TSPAN18: variants seen among roughly 807,000 people sequenced by gnomAD.
The protein encoded by TSPAN18 is tetraspanin-18.
Under a neutral mutation model 27.3 loss-of-function variants are expected in TSPAN18, and 14 were observed. The ratio of observed to expected loss-of-function variants is 0.51; its 90% CI spans 0.34 to 0.80. TSPAN18 has a LOEUF of 0.80. Among genes scored for constraint, TSPAN18 ranks in the 30% least tolerant of loss-of-function variants. TSPAN18 has a pLI of 0.01. For missense variants in TSPAN18, 268 were observed against 323.9 expected (o/e 0.83, Z 1.32); for synonymous variants, 143 against 136.5 (o/e 1.05, Z -0.33).
intron 3 of TSPAN18, among the ~76,000 whole-genome samples, chr11:44,880,675 G>A (rs139755543): frequency 6.6e-6 from 1 of 152,212 alleles, no homozygotes. Flanking sequence ...AACATGTTAT[G>A]TGGCCAGGGC....
Position 44,915,910 on chromosome 11 carries a change from A to C in TSPAN18, c.259-2062A>C, listed in dbSNP as rs835986. 9.5e-4 allele frequency among the ~76,000 whole-genome samples: 145 copies of C among 152,310 alleles called. 1 individual carries two copies. The highest frequency in any genetic ancestry group is 3.3e-3 in the African/African-American group (139 of 41,566). ...TGAGAGCAGAAGCCTGTGTCGGAGCAGCTGGAGCCCAGTGAGACCTCAGGG... is the reference window on the plus strand; with the variant it reads ...TGAGAGCAGAAGCCTGTGTCGGAGCCGCTGGAGCCCAGTGAGACCTCAGGG... On this transcript the variant is annotated intron_variant, in intron 5 of 9. Transcript: ENST00000520358.
At chr11:44,831,110 C>G (rs934116104) in intron 2 of TSPAN18, among the ~76,000 whole-genome samples, 2 of 152,096 alleles carry the variant, frequency 1.3e-5, no homozygotes, top group African/African-American at 4.8e-5. Context: ...AAGACTCTGT[C>G]TCAAAAACAA....
intron 8 of TSPAN18, among the ~76,000 whole-genome samples, chr11:44,923,322 G>T (rs955873327): frequency 6.6e-6 from 1 of 152,118 alleles, no homozygotes; most frequent in African/African-American, 2.4e-5. Flanking sequence ...GGTGGGGGAT[G>T]TGCCCACCCA....
intron 3 of TSPAN18, among the ~76,000 whole-genome samples, chr11:44,868,775 C>T (rs1373907440): frequency 2.0e-5 from 3 of 152,208 alleles, no homozygotes; most frequent in African/African-American, 7.2e-5. Context: ...GTGGAGCGCC[C>T]ACACCAGGGC....
At chr11:44,729,618 A>G (rs1400726311) in intron 1 of TSPAN18, among the ~76,000 whole-genome samples, 2 of 152,266 alleles carry the variant, frequency 1.3e-5, no homozygotes, top group African/African-American at 2.4e-5. Flanking sequence ...CAGCCAGTAT[A>G]TGTGGTGCTT....
chr11:44,906,571 G>T, intron 4 of TSPAN18, 92 bp downstream of exon 4: 1 of 1,275,292 alleles, frequency 7.8e-7, no homozygotes, highest in South Asian at 1.2e-5. Flanking sequence ...TCCCTGGGGC[G>T]AGCACAGGGG....
Position 44,817,173 on chromosome 11 carries a change from G to C in TSPAN18, c.-152-43155G>C, listed in dbSNP as rs142473190. On this transcript the variant is annotated intron_variant, in intron 2 of 9. Transcript: ENST00000520358. ...GAAGAGGCAGCTGATGGCATGCACG[G>C]TGGGCCATCCTGGGTTCCAGCTCTG... Among the ~76,000 whole-genome samples the C allele has an allele frequency of 1.5e-3, 232 of 152,368 alleles. 4 individuals carry two copies. In the East Asian group the frequency reaches 0.022, roughly 15 times the overall value.
chr11:44,845,019 T>A (rs959960628), intron 2 of TSPAN18, among the ~76,000 whole-genome samples: 10 of 152,192 alleles, frequency 6.6e-5, no homozygotes, highest in African/African-American at 2.2e-4. Flanking sequence ...ATACTTTAGA[T>A]GTATGTAATT....
At chr11:44,874,071 G>A (rs1241818749) in intron 3 of TSPAN18, among the ~76,000 whole-genome samples, 3 of 152,100 alleles carry the variant, frequency 2.0e-5, no homozygotes, top group Non-Finnish European at 2.9e-5. Context: ...GAGTGGGGTG[G>A]GAAAGACCCC....
At chr11:44,805,324 A>G (rs1590501790) in intron 2 of TSPAN18, among the ~76,000 whole-genome samples, 1 of 152,236 alleles carries the variant, frequency 6.6e-6, no homozygotes. Flanking sequence ...GACAGGTGGC[A>G]TTCCTGGCCA....
At chr11:44,895,153 G>A (rs1022080915) in intron 3 of TSPAN18, among the ~76,000 whole-genome samples, 5 of 152,174 alleles carry the variant, frequency 3.3e-5, no homozygotes, top group African/African-American at 1.2e-4. Context: ...CCACAAAATT[G>A]TGGCAATTTG....
chr11:44,845,549 C>T lies in TSPAN18; in HGVS notation c.-152-14779C>T, dbSNP rs530884579. Among the ~76,000 whole-genome samples the T allele has an allele frequency of 3.4e-4, 51 of 152,232 alleles. 1 individual carries two copies. Among genetic ancestry groups the T allele is most frequent in the African/African-American group, 7.9e-4 (33 of 41,530 alleles). The stretch of plus-strand genomic sequence containing the variant: ...CACAGCACAATAGTGGCCACTTTGC[C>T]ATGGGATAGATGGGAGCCTTCACAT... On this transcript the variant is annotated intron_variant, in intron 2 of 9. Coordinates refer to ENST00000520358, the MANE Select transcript of TSPAN18 (RefSeq NM_130783.5).
intron 8 of TSPAN18, among the ~76,000 whole-genome samples, chr11:44,924,873 C>G (rs1041740441): frequency 3.3e-5 from 5 of 152,132 alleles, no homozygotes; most frequent in Non-Finnish European, 7.3e-5. Context: ...GCACATGTAC[C>G]CTAGAACTTA....
chr11:44,749,718 ACT>A (rs1317212991), intron 1 of TSPAN18, among the ~76,000 whole-genome samples: 1 of 147,512 alleles, frequency 6.8e-6, no homozygotes, highest in Non-Finnish European at 1.5e-5. Flanking sequence ...CTCACTGCAA[ACT>A]CTGCCTCCCG....
At chr11:44,764,174 A>G (rs1430638744) in intron 1 of TSPAN18, among the ~76,000 whole-genome samples, 2 of 152,154 alleles carry the variant, frequency 1.3e-5, no homozygotes, top group African/African-American at 4.8e-5. Context: ...TCCATCATCT[A>G]ATCACCTCCC....
At chr11:44,799,558 G>A (rs1856429803) in intron 2 of TSPAN18, among the ~76,000 whole-genome samples, 1 of 152,196 alleles carries the variant, frequency 6.6e-6, no homozygotes, top group African/African-American at 2.4e-5. Flanking sequence ...GCACTGTGGT[G>A]GAGGGACTAG....
intron 2 of TSPAN18, among the ~76,000 whole-genome samples, chr11:44,766,221 G>A (rs574147135): frequency 6.6e-6 from 1 of 152,320 alleles, no homozygotes; most frequent in East Asian, 1.9e-4. Flanking sequence ...CCAAGACAGG[G>A]TGGCCGGCTC....
intron 2 of TSPAN18, among the ~76,000 whole-genome samples, chr11:44,828,827 C>T (rs1005385432): frequency 2.0e-4 from 31 of 152,132 alleles, no homozygotes; most frequent in African/African-American, 6.5e-4. Flanking sequence ...TCTCAATATC[C>T]AGCCCATCCC....
At chr11:44,779,812 C>A (rs1855895794) in intron 2 of TSPAN18, among the ~76,000 whole-genome samples, 2 of 152,184 alleles carry the variant, frequency 1.3e-5, no homozygotes, top group Admixed American at 1.3e-4. Flanking sequence ...CACATTCCTA[C>A]CCACATCCTT....
Sources: gnomAD v4.1 joint callset for allele counts (sites outside exome capture counted in the v4.1 genomes callset) on GRCh38, gnomAD v4.1.1 for gene constraint, MANE v1.5 for transcripts, NCBI Gene and HGNC (gene_info 2026-07-23, HGNC 2026-07-21) for gene names.